The following USP34 variants were observed in gnomAD, a reference collection of about 807,000 sequenced individuals.
USP34 encodes the protein ubiquitin carboxyl-terminal hydrolase 34.
USP34 carries 70 observed loss-of-function variants against 460.3 expected under a neutral mutation model. The observed-to-expected ratio is 0.15, with a 90% confidence interval of 0.13 to 0.19. The LOEUF is 0.19. Ranked by LOEUF, USP34 falls within the 10% of genes least tolerant of loss-of-function variation. The pLI is 1.00. For missense variants in USP34, 3,985 were observed against 4,236.2 expected (o/e 0.94, Z 1.65); for synonymous variants, 1,647 against 1,405.3 (o/e 1.17, Z -3.85).
At position 61,236,240 on chromosome 2, in the gene USP34, G is replaced by T. The variant is rs552796548; in HGVS notation, c.6843-4C>A. On this transcript the variant is annotated splice_region_variant and splice_polypyrimidine_tract_variant and intron_variant, in intron 54 of 79. Coordinates refer to ENST00000398571, the MANE Select transcript of USP34 (RefSeq NM_014709.4). ...ACTACACAATTGCCACATAAATCTA[G>T]AATTTAAAAATAATCATTTAAAATT... The T allele has an allele frequency of 3.7e-6, 6 of 1,607,444 alleles. No individual in the cohort carries two copies. In the Admixed American group the frequency reaches 8.5e-5, roughly 23 times the overall value.
intron 27 of USP34, among the ~76,000 whole-genome samples, chr2:61,303,979 C>A (rs1051260444): frequency 3.3e-5 from 5 of 152,228 alleles, no homozygotes; most frequent in South Asian, 4.1e-4. Flanking sequence ...CTCACTAACA[C>A]CTCCACCTCC....
At chr2:61,431,990 T>G (rs1694689090) in intron 1 of USP34, among the ~76,000 whole-genome samples, 1 of 152,102 alleles carries the variant, frequency 6.6e-6, no homozygotes, top group Non-Finnish European at 1.5e-5. Flanking sequence ...GGTATTGAAA[T>G]AGCATGCTGT....
intron 48 of USP34, among the ~76,000 whole-genome samples, chr2:61,255,987 T>C (rs1688714618): frequency 6.6e-6 from 1 of 152,256 alleles, no homozygotes; most frequent in Non-Finnish European, 1.5e-5. Context: ...CAGTACAATC[T>C]GAGGTTTCAG....
At chr2:61,337,832 C>A (rs567833283) in intron 18 of USP34, among the ~76,000 whole-genome samples, 1 of 152,070 alleles carries the variant, frequency 6.6e-6, no homozygotes, top group Admixed American at 6.6e-5. Flanking sequence ...TTTTGTTAGG[C>A]ATATACTTAG....
intron 21 of USP34, among the ~76,000 whole-genome samples, chr2:61,320,924 C>T (rs546692373): frequency 2.6e-5 from 4 of 151,944 alleles, no homozygotes; most frequent in Non-Finnish European, 5.9e-5. Flanking sequence ...GCACGAGAAT[C>T]GCTGGAACCC....
chr2:61,360,000 G>T (rs1692225756), intron 10 of USP34, among the ~76,000 whole-genome samples: 1 of 151,858 alleles, frequency 6.6e-6, no homozygotes, highest in Non-Finnish European at 1.5e-5. Context: ...GGCCAGGCTG[G>T]TCTTGAACTC....
intron 50 of USP34, among the ~76,000 whole-genome samples, chr2:61,245,811 C>G (rs1347314154): frequency 6.6e-6 from 1 of 152,136 alleles, no homozygotes; most frequent in Non-Finnish European, 1.5e-5. Flanking sequence ...AGAACAGTGC[C>G]TAGCACACAT....
chr2:61,220,175 A>AT, intron 67 of USP34, 135 bp downstream of exon 67: 1 of 458,760 alleles, frequency 2.2e-6, no homozygotes, highest in Non-Finnish European at 3.3e-6. Flanking sequence ...AAAAAAAAAA[A>AT]AAAAAAAGGA....
rs1687279906 is a variant in USP34 at position 61,211,811 on chromosome 2, C to T, written c.8801G>A (p.Arg2934His). The change falls in exon 69 of 80, where the codon CGT becomes CAT. Residue 2934 changes from arginine to histidine, a missense_variant. This residue lies in a region of USP34 where 275 missense variants were observed against 292.7 expected (regional missense o/e 0.94). Transcript: ENST00000398571. ...FKKTTISCYL[R>H]CLDGRSCWTT... The stretch of plus-strand genomic sequence containing the variant: ...CCAGCAGGAGCGGCCATCTAAGCAA[C>T]GTAAGTAACAACTTATGGTTGTTTT... 3 of 1,596,618 alleles carry T rather than the reference C, an allele frequency of 1.9e-6. No individual in the cohort carries two copies. Among genetic ancestry groups the T allele is most frequent in the Non-Finnish European group, 1.7e-6 (2 of 1,174,590 alleles).
chr2:61,469,635 G>C (rs1336632812), intron 1 of USP34, among the ~76,000 whole-genome samples: 1 of 152,190 alleles, frequency 6.6e-6, no homozygotes, highest in Non-Finnish European at 1.5e-5. Flanking sequence ...TTAGCGAATT[G>C]TATTACAAAA....
At chr2:61,248,100 C>T (rs1688468192) in intron 49 of USP34, among the ~76,000 whole-genome samples, 1 of 145,968 alleles carries the variant, frequency 6.9e-6, no homozygotes, top group Admixed American at 7.0e-5. Context: ...GGCACAAGAA[C>T]TACTTGAACC....
chr2:61,443,208 T>C (rs562028596), intron 1 of USP34, among the ~76,000 whole-genome samples: 4 of 152,118 alleles, frequency 2.6e-5, no homozygotes, highest in Non-Finnish European at 5.9e-5. Context: ...AGGAATAAGT[T>C]CCAGTGTTCT....
intron 22 of USP34, among the ~76,000 whole-genome samples, chr2:61,318,573 A>AG (rs1219472797): frequency 6.6e-6 from 1 of 152,254 alleles, no homozygotes; most frequent in Non-Finnish European, 1.5e-5. Flanking sequence ...AGCATAAAAA[A>AG]GTCTTACTGC....
intron 15 of USP34, among the ~76,000 whole-genome samples, chr2:61,346,831 C>CAAAAAAA (rs776311612): frequency 3.4e-5 from 1 of 29,786 alleles, no homozygotes; most frequent in Non-Finnish European, 6.2e-5. Flanking sequence ...GATTCCAACT[C>CAAAAAAA]AAAAAAAAAA....
At chr2:61,356,088 A>T (rs1692093033) in intron 10 of USP34, among the ~76,000 whole-genome samples, 1 of 152,102 alleles carries the variant, frequency 6.6e-6, no homozygotes, top group Non-Finnish European at 1.5e-5. Flanking sequence ...GATCTCAAAG[A>T]GGTATCTGTA....
At chr2:61,399,275 G>C (rs1221973042) in intron 3 of USP34, among the ~76,000 whole-genome samples, 1 of 150,924 alleles carries the variant, frequency 6.6e-6, no homozygotes, top group Non-Finnish European at 1.5e-5. Flanking sequence ...CCCGGAAGGC[G>C]AAGGTTGCAG....
intron 79 of USP34, 67 bp from the exon 80 acceptor site, chr2:61,188,776 T>G: frequency 6.4e-7 from 1 of 1,571,790 alleles, no homozygotes; most frequent in Non-Finnish European, 8.6e-7. Flanking sequence ...GGGGGGGATG[T>G]GGGAAGTTAA....
intron 65 of USP34, 151 bp downstream of exon 65, chr2:61,222,468 C>A (rs1250666109): frequency 6.9e-6 from 4 of 578,416 alleles, no homozygotes; most frequent in Non-Finnish European, 1.2e-5. Context: ...ATTAGTAGTT[C>A]ATTTTATTCA....
chr2:61,246,297 A>G, intron 50 of USP34, 27 bp downstream of exon 50: 2 of 1,485,282 alleles, frequency 1.3e-6, no homozygotes, highest in Non-Finnish European at 1.8e-6. Flanking sequence ...AAATTGTTAA[A>G]GAAGTTTTGA....
Sources: gnomAD v4.1 joint callset for allele counts (sites outside exome capture counted in the v4.1 genomes callset) on GRCh38, gnomAD v4.1.1 for gene constraint, gnomAD v4.1.1 regional missense constraint, MANE v1.5 for transcripts, NCBI Gene and HGNC (gene_info 2026-07-23, HGNC 2026-07-21) for gene names.